PRKN: variants seen among roughly 807,000 people sequenced by gnomAD.
PRKN encodes E3 ubiquitin-protein ligase parkin.
PRKN carries 56 observed loss-of-function variants against 59.5 expected under a neutral mutation model. The ratio of observed to expected loss-of-function variants is 0.94; its 90% confidence interval spans 0.76 to 1.18. The LOEUF (loss-of-function observed/expected upper bound fraction) is 1.18, where lower values mean the gene tolerates loss of function less well. PRKN is among the 50% of genes most tolerant of loss of function. The pLI, the probability that PRKN is intolerant of heterozygous loss-of-function variation, is 0.00. For synonymous variants in PRKN, 250 were observed against 222.1 expected (o/e 1.13, Z -1.12); for missense variants, 657 against 596.4 (o/e 1.10, Z -1.06).
chr6:162,380,523 A>ATACACACATATATATGTG (rs1562716802), intron 2 of PRKN, among the ~76,000 whole-genome samples: 1 of 136,426 alleles, frequency 7.3e-6, no homozygotes, highest in East Asian at 2.1e-4. Flanking sequence ...ATATATATAT[A>ATACACACATATATATGTG]TGTATATATA....
rs1487889114 is a variant in PRKN, at chr6:161,494,166, TTAAAAAA to T, written c.1083+54681_1083+54687del. On this transcript the variant is annotated intron_variant, in intron 9 of 11. Transcript: ENST00000366898. The stretch of plus-strand genomic sequence containing the variant: ...AACTTTCATAATTATTTGGCAGCTT[TTAAAAAA>T]TAAAAAATAAATAAATAAATAGCAA... Among the ~76,000 whole-genome samples, 8 of 152,022 alleles carry T rather than the reference TTAAAAAA, an allele frequency of 5.3e-5. No homozygotes were observed. In the South Asian group the frequency reaches 6.2e-4, roughly 12 times the overall value.
chr6:161,777,824 ATG>A, intron 7 of PRKN, among the ~76,000 whole-genome samples: 1 of 144,748 alleles, frequency 6.9e-6, no homozygotes, highest in South Asian at 2.1e-4. Context: ...ATGTGTATAT[ATG>A]TATATGTATA....
At chr6:161,847,259 G>A (rs1237095160) in intron 6 of PRKN, among the ~76,000 whole-genome samples, 1 of 152,024 alleles carries the variant, frequency 6.6e-6, no homozygotes, top group Admixed American at 6.5e-5. Flanking sequence ...AGTGAGCGGA[G>A]ATGGCGCCAC....
chr6:162,625,712 G>GTA lies in PRKN; in HGVS notation c.7+101948_7+101949dup, dbSNP rs138488212. On this transcript the variant is annotated intron_variant, in intron 1 of 11. Coordinates refer to ENST00000366898, the MANE Select transcript of PRKN (RefSeq NM_004562.3). ...CATGTATATATATGTGTGTGTGTGT[G>GTA]TATATATATATAAACTTATGTTTGC... Among the ~76,000 whole-genome samples the GTA allele has an allele frequency of 7.3e-3, 1,107 of 151,242 alleles. 14 individuals are homozygous for GTA. The highest frequency in any genetic ancestry group is 0.014 in the Middle Eastern group (4 of 294).
chr6:161,710,886 T>TCCCTGCCTTTCCTTCCTCCTCC, intron 7 of PRKN, among the ~76,000 whole-genome samples: 5 of 118,684 alleles, frequency 4.2e-5, no homozygotes, highest in Admixed American at 3.1e-4. Flanking sequence ...CTTCCTTCTC[T>TCCCTGCCTTTCCTTCCTCCTCC]CCCTCCCTTT....
At chr6:162,105,725 G>C (rs981153247) in intron 4 of PRKN, among the ~76,000 whole-genome samples, 1 of 152,074 alleles carries the variant, frequency 6.6e-6, no homozygotes, top group African/African-American at 2.4e-5. Flanking sequence ...ATAACATAAA[G>C]GCATATGTTT....
intron 2 of PRKN, among the ~76,000 whole-genome samples, chr6:162,430,603 T>TC (rs1789474026): frequency 1.4e-5 from 2 of 142,380 alleles, no homozygotes; most frequent in African/African-American, 5.3e-5. Flanking sequence ...ATATATATCT[T>TC]GTAAAAACAG....
chr6:162,357,173 G>GC (rs1784908614), intron 2 of PRKN, among the ~76,000 whole-genome samples: 1 of 152,048 alleles, frequency 6.6e-6, no homozygotes, highest in Non-Finnish European at 1.5e-5. Flanking sequence ...ACACTCTCCA[G>GC]AGAATGAAAA....
chr6:162,068,286 T>C (rs1256340823), intron 4 of PRKN, among the ~76,000 whole-genome samples: 1 of 152,210 alleles, frequency 6.6e-6, no homozygotes, highest in Admixed American at 6.5e-5. Context: ...GTACATTACT[T>C]CATTTATCTC....
chr6:161,992,123 G>A (rs1020119197), intron 5 of PRKN, among the ~76,000 whole-genome samples: 9 of 152,144 alleles, frequency 5.9e-5, no homozygotes, highest in Non-Finnish European at 1.0e-4. Context: ...CAGAAGTCTT[G>A]AGGTCAAGAG....
chr6:161,920,945 G>C (rs1248414168), intron 6 of PRKN, among the ~76,000 whole-genome samples: 1 of 152,026 alleles, frequency 6.6e-6, no homozygotes, highest in Non-Finnish European at 1.5e-5. Context: ...GTACATCTAG[G>C]TTACACTAAA....
At chr6:161,772,679 T>C (rs1789746324) in intron 7 of PRKN, among the ~76,000 whole-genome samples, 1 of 152,204 alleles carries the variant, frequency 6.6e-6, no homozygotes, top group African/African-American at 2.4e-5. Flanking sequence ...TCCCAGTCAC[T>C]AGTCCAGTTT....
At position 161,785,027 on chromosome 6, in the gene PRKN, G is replaced by A. The variant is rs557439508; in HGVS notation, c.871+745C>T. Among the ~76,000 whole-genome samples, 29 of 152,282 alleles carry A rather than the reference G, an allele frequency of 1.9e-4. No homozygotes were observed. The East Asian group carries it at 3.9e-3, about 20-fold the overall frequency. On this transcript the variant is annotated intron_variant, in intron 7 of 11. Transcript: ENST00000366898. ...AGACACGAAAGGTCACCTATTGTAC[G>A]ATTTCTTTTATAGGAAATACCTACA...
At chr6:162,378,366 G>T (rs1190614384) in intron 2 of PRKN, among the ~76,000 whole-genome samples, 1 of 152,234 alleles carries the variant, frequency 6.6e-6, no homozygotes, top group Non-Finnish European at 1.5e-5. Flanking sequence ...ACAATTATCA[G>T]AGAGAAAACT....
At chr6:162,391,621 A>T in intron 2 of PRKN, among the ~76,000 whole-genome samples, 1 of 152,142 alleles carries the variant, frequency 6.6e-6, no homozygotes, top group Non-Finnish European at 1.5e-5. Flanking sequence ...TCATCCTGGA[A>T]GATAATTTTC....
intron 3 of PRKN, among the ~76,000 whole-genome samples, chr6:162,260,719 T>G (rs1268866912): frequency 2.0e-5 from 3 of 152,198 alleles, no homozygotes; most frequent in Non-Finnish European, 4.4e-5. Flanking sequence ...AACATGAATA[T>G]GTACACAACA....
chr6:162,018,112 C>T (rs577900114), intron 5 of PRKN, among the ~76,000 whole-genome samples: 21 of 152,302 alleles, frequency 1.4e-4, no homozygotes, highest in Middle Eastern at 3.4e-3. Context: ...CTGCAAGCTC[C>T]ACCTCCTGGG....
At chr6:161,821,451 T>A (rs1425800793) in intron 6 of PRKN, among the ~76,000 whole-genome samples, 3 of 150,638 alleles carry the variant, frequency 2.0e-5, no homozygotes, top group African/African-American at 4.8e-5. Context: ...ATTTTTTTTT[T>A]AATCCAGACT....
chr6:162,414,574 G>C (rs1454283301), intron 2 of PRKN, among the ~76,000 whole-genome samples: 1 of 151,208 alleles, frequency 6.6e-6, no homozygotes, highest in African/African-American at 2.4e-5. Flanking sequence ...AGCCGCGCAT[G>C]GTTGGTGGTG....
Sources: allele counts gnomAD v4.1 joint callset (sites outside exome capture counted in the v4.1 genomes callset), GRCh38; gene constraint gnomAD v4.1.1; transcripts MANE v1.5; gene names NCBI Gene and HGNC (gene_info 2026-07-23, HGNC 2026-07-21).